CCDC181: variants seen among roughly 807,000 people sequenced by gnomAD.
CCDC181 encodes the protein coiled-coil domain-containing protein 181.
Under a neutral mutation model 58.7 loss-of-function variants are expected in CCDC181, and 35 were observed. That is an observed-to-expected ratio of 0.60 (90% confidence interval 0.46 to 0.79). CCDC181 has a LOEUF of 0.79. CCDC181 is among the 30% of genes least tolerant of loss of function. The pLI, the probability that CCDC181 is intolerant of heterozygous loss-of-function variation, is 0.00. For synonymous variants in CCDC181, 183 were observed against 197.5 expected (o/e 0.93, Z 0.62); for missense variants, 517 against 583.9 (o/e 0.89, Z 1.18).
chr1:169,456,159 C>G (rs1401181873), intron 2 of CCDC181, among the ~76,000 whole-genome samples: 2 of 152,022 alleles, frequency 1.3e-5, no homozygotes, highest in Non-Finnish European at 2.9e-5. Context: ...TTCTTCCTCC[C>G]TTTTTGGCTT....
rs976324322 is a variant in CCDC181 at position 169,395,170 on chromosome 1, C to T, written c.1407G>A (p.Glu469=). ...LRRKRMEKMA[E]QQAVRERTRQ... Reference sequence around the variant, plus strand: ...TAGTTCTCTCTCTGACAGCTTGTTGCTCTGCCATTTTTTCCATCCGTTTCC... The same window carrying T: ...TAGTTCTCTCTCTGACAGCTTGTTGTTCTGCCATTTTTTCCATCCGTTTCC... The change falls in exon 6 of 6, where the codon GAG becomes GAA. Residue 469 remains glutamate (E), a synonymous_variant. Coordinates refer to ENST00000367806, the MANE Select transcript of CCDC181 (RefSeq NM_001300969.2). 1 of 1,612,096 alleles carries T rather than the reference C, an allele frequency of 6.2e-7. No homozygotes were observed. Among genetic ancestry groups the T allele is most frequent in the African/African-American group, 1.3e-5 (1 of 74,756 alleles).
At chr1:169,429,400 C>G (rs561972718), upstream of CCDC181, among the ~76,000 whole-genome samples, 1 of 152,148 alleles carries the variant, frequency 6.6e-6, no homozygotes, top group Non-Finnish European at 1.5e-5. Flanking sequence ...AGTGATTGTA[C>G]TAGTTTACAT....
At chr1:169,406,925 T>C (rs1215194039) in intron 4 of CCDC181, among the ~76,000 whole-genome samples, 4 of 151,654 alleles carry the variant, frequency 2.6e-5, no homozygotes, top group Admixed American at 6.6e-5. Flanking sequence ...GATGGATCAA[T>C]AGAAATGATG....
At chr1:169,407,472 AG>A (rs1014893592) in intron 4 of CCDC181, among the ~76,000 whole-genome samples, 2 of 152,214 alleles carry the variant, frequency 1.3e-5, no homozygotes, top group African/African-American at 2.4e-5. Flanking sequence ...AAAAGCATGC[AG>A]AGGCATACTT....
chr1:169,453,254 A>G (rs934719631), intron 2 of CCDC181, among the ~76,000 whole-genome samples: 1 of 152,048 alleles, frequency 6.6e-6, no homozygotes, highest in Admixed American at 6.6e-5. Context: ...CTGAAATGTC[A>G]AGACAGCCAT....
At chr1:169,428,819 A>G (rs1656819812), upstream of CCDC181, among the ~76,000 whole-genome samples, 2 of 151,954 alleles carry the variant, frequency 1.3e-5, no homozygotes, top group East Asian at 3.9e-4. Flanking sequence ...ACACCTGGCT[A>G]AGTTTTTGTA....
intron 1 of CCDC181, chr1:169,459,929 AGG>A (rs796727347): frequency 4.2e-4 from 61 of 145,778 alleles, no homozygotes; most frequent in African/African-American, 6.7e-4. Flanking sequence ...AAAAAAAAAA[AGG>A]AGGAGGCGGA....
In CCDC181 at chr1:169,422,260, TG is replaced by T; in HGVS notation, c.170del (p.Thr57LysfsTer2). On this transcript the variant is annotated frameshift_variant, in exon 3 of 6. Transcript: ENST00000367806. LOFTEE classifies it high-confidence loss of function. ...NINQDLKENE[T>X]VMEHTKRHSD... ...AATGCCGTTTGGTGTGCTCCATTAC[TG>T]TCTCATTCTCTTTTAAGTCTTGGTT... 2 of 1,601,176 alleles carry T rather than the reference TG, an allele frequency of 1.2e-6. No homozygotes were observed. The highest frequency in any genetic ancestry group is 1.7e-6 in the Non-Finnish European group (2 of 1,170,292).
chr1:169,439,001 A>G (rs1044234296), intron 2 of CCDC181, among the ~76,000 whole-genome samples: 6 of 152,208 alleles, frequency 3.9e-5, no homozygotes, highest in African/African-American at 1.4e-4. Flanking sequence ...CTGATGGAGA[A>G]GTCTCCTTAA....
intron 2 of CCDC181, among the ~76,000 whole-genome samples, chr1:169,456,263 T>C (rs1337226298): frequency 6.6e-6 from 1 of 152,150 alleles, no homozygotes; most frequent in African/African-American, 2.4e-5. Context: ...TCATCATCTT[T>C]AGTTTCCTGG....
intron 2 of CCDC181, among the ~76,000 whole-genome samples, chr1:169,459,164 C>T (rs1657765068): frequency 6.6e-6 from 1 of 151,912 alleles, no homozygotes; most frequent in Non-Finnish European, 1.5e-5. Flanking sequence ...ATCATGGAAC[C>T]AGAATATTTG....
chr1:169,402,336 C>T (rs1655399718), intron 4 of CCDC181, among the ~76,000 whole-genome samples: 1 of 152,096 alleles, frequency 6.6e-6, no homozygotes, highest in South Asian at 2.1e-4. Context: ...AGAAGAGCAA[C>T]TCCAAGACAC....
At chr1:169,397,176 T>C (rs1655091803) in intron 5 of CCDC181, 61 bp downstream of exon 5, 4 of 1,416,930 alleles carry the variant, frequency 2.8e-6, no homozygotes, top group Non-Finnish European at 3.7e-6. Flanking sequence ...TAATTGATGA[T>C]ATAACTTTTA....
intron 2 of CCDC181, among the ~76,000 whole-genome samples, chr1:169,458,178 T>TG (rs1317239399): frequency 3.0e-4 from 43 of 142,594 alleles, no homozygotes; most frequent in African/African-American, 5.7e-4. Context: ...AATTTTTGTT[T>TG]TTTTTTTTTT....
intron 4 of CCDC181, among the ~76,000 whole-genome samples, chr1:169,415,711 C>G (rs1656183931): frequency 6.6e-6 from 1 of 152,128 alleles, no homozygotes; most frequent in Non-Finnish European, 1.5e-5. Flanking sequence ...CACCTCTGAT[C>G]ACTCCTGACT....
In CCDC181 at chr1:169,437,679, A is replaced by T. The variant is rs184356837; in HGVS notation, c.-23-12729T>A. Among the ~76,000 whole-genome samples the T allele has an allele frequency of 2.6e-5, 4 of 152,284 alleles. No individual in the cohort carries two copies. The East Asian group carries it at 7.7e-4, about 29-fold the overall frequency. ...AGTGGTGGTAGGTGTTGACCCAAGA[A>T]GAGAGGAGTGGAACCACTTTGCAAC... is the stretch of plus-strand genomic sequence containing the variant. On this transcript the variant is annotated intron_variant, in intron 2 of 6. Transcript: ENST00000545005.
intron 2 of CCDC181, among the ~76,000 whole-genome samples, chr1:169,432,535 C>T (rs1307494060): frequency 6.6e-6 from 1 of 152,088 alleles, no homozygotes; most frequent in African/African-American, 2.4e-5. Context: ...TCCACTGAAG[C>T]ATATTATCCA....
At chr1:169,447,098 TA>T (rs1407274246) in intron 2 of CCDC181, among the ~76,000 whole-genome samples, 2 of 152,102 alleles carry the variant, frequency 1.3e-5, no homozygotes, top group Non-Finnish European at 2.9e-5. Context: ...GTAATCTCTA[TA>T]CTCTTAAAAG....
At chr1:169,395,233 G>A in intron 5 of CCDC181, 27 bp from the exon 6 acceptor site, 3 of 1,594,534 alleles carry the variant, frequency 1.9e-6, no homozygotes, top group African/African-American at 1.4e-5. Context: ...GATCAGATTT[G>A]GTGAGTATCA....
Sources: gnomAD v4.1 joint callset for allele counts (sites outside exome capture counted in the v4.1 genomes callset) on GRCh38, gnomAD v4.1.1 for gene constraint, MANE v1.5 for transcripts, NCBI Gene and HGNC (gene_info 2026-07-23, HGNC 2026-07-21) for gene names.